CNTN1: variants seen among roughly 807,000 people sequenced by gnomAD.
CNTN1 encodes the protein contactin-1.
CNTN1 carries 38 observed loss-of-function variants against 126.4 expected under a neutral mutation model. The observed-to-expected ratio is 0.30, with a 90% CI of 0.23 to 0.39. CNTN1 has a LOEUF of 0.39. Among genes scored for constraint, CNTN1 ranks in the 10% least tolerant of loss-of-function variants. The probability of loss-of-function intolerance (pLI) is 1.00; values close to 1 mark genes in which losing one functional copy is unlikely to be tolerated. For synonymous variants in CNTN1, 413 were observed against 422.6 expected (o/e 0.98, Z 0.28); for missense variants, 1,009 against 1,248.4 (o/e 0.81, Z 2.89).
intron 9 of CNTN1, 46 bp downstream of exon 9, chr12:40,933,924 T>C: frequency 4.1e-6 from 6 of 1,451,536 alleles, no homozygotes; most frequent in South Asian, 2.3e-5. Context: ...CAGTATCTTA[T>C]TTAGAGCCAT....
At chr12:40,703,917 G>C (rs1466572495) in intron 1 of CNTN1, among the ~76,000 whole-genome samples, 1 of 152,128 alleles carries the variant, frequency 6.6e-6, no homozygotes, top group African/African-American at 2.4e-5. Context: ...TCTAAACTAA[G>C]TGTGTAAAAT....
intron 1 of CNTN1, among the ~76,000 whole-genome samples, chr12:40,722,675 T>C (rs1287829215): frequency 1.3e-5 from 2 of 152,170 alleles, no homozygotes; most frequent in Non-Finnish European, 2.9e-5. Flanking sequence ...AGTATGGATT[T>C]TGTGGTACAG....
At chr12:41,003,226 T>C (rs1311232546) in intron 17 of CNTN1, among the ~76,000 whole-genome samples, 2 of 152,242 alleles carry the variant, frequency 1.3e-5, no homozygotes, top group Admixed American at 6.5e-5. Flanking sequence ...TTTAATTCTG[T>C]TTATGTGATG....
chr12:40,861,441 T>C (rs1256188493), intron 1 of CNTN1, among the ~76,000 whole-genome samples: 4 of 152,090 alleles, frequency 2.6e-5, no homozygotes, highest in Non-Finnish European at 5.9e-5. Flanking sequence ...ATTTTTAAAG[T>C]TTTTTAATGG....
At chr12:40,846,130 T>C (rs1318853738) in intron 1 of CNTN1, among the ~76,000 whole-genome samples, 1 of 151,924 alleles carries the variant, frequency 6.6e-6, no homozygotes, top group Admixed American at 6.5e-5. Flanking sequence ...AGATAATTGA[T>C]ACAAAAAGGA....
chr12:41,000,412 A>G (rs1025180138), intron 17 of CNTN1, among the ~76,000 whole-genome samples: 4 of 152,190 alleles, frequency 2.6e-5, no homozygotes, highest in Non-Finnish European at 5.9e-5. Flanking sequence ...TAACTTCAGA[A>G]TATGAGTTAT....
At chr12:40,825,728 C>A (rs1032050987) in intron 1 of CNTN1, among the ~76,000 whole-genome samples, 5 of 152,106 alleles carry the variant, frequency 3.3e-5, no homozygotes, top group African/African-American at 1.2e-4. Context: ...TGCATCTTTT[C>A]TTTGATTTCC....
chr12:40,750,523 C>T (rs1162249245), intron 1 of CNTN1, among the ~76,000 whole-genome samples: 3 of 152,014 alleles, frequency 2.0e-5, no homozygotes, highest in Non-Finnish European at 4.4e-5. Context: ...TGGGTATTAG[C>T]TGTGCATGGT....
intron 14 of CNTN1, among the ~76,000 whole-genome samples, chr12:40,945,460 T>C (rs1183727022): frequency 6.6e-6 from 1 of 152,074 alleles, no homozygotes; most frequent in East Asian, 1.9e-4. Context: ...TCTTTGGTGT[T>C]ATAAATTGAA....
intron 7 of CNTN1, among the ~76,000 whole-genome samples, chr12:40,931,523 T>C (rs1945883187): frequency 6.6e-6 from 1 of 152,008 alleles, no homozygotes; most frequent in Non-Finnish European, 1.5e-5. Context: ...TCCTATATCC[T>C]GGACTTGTCC....
At chr12:40,771,757 G>A (rs1466149887) in intron 1 of CNTN1, among the ~76,000 whole-genome samples, 1 of 151,696 alleles carries the variant, frequency 6.6e-6, no homozygotes, top group African/African-American at 2.4e-5. Context: ...TTTATGAGGT[G>A]TCCAAAAAAT....
intron 1 of CNTN1, among the ~76,000 whole-genome samples, chr12:40,709,971 T>C (rs1941870298): frequency 6.6e-6 from 1 of 152,212 alleles, no homozygotes. Flanking sequence ...ATTTTTCCTT[T>C]ATATTCACAA....
chr12:40,814,124 A>G (rs1941181335), intron 1 of CNTN1, among the ~76,000 whole-genome samples: 1 of 152,050 alleles, frequency 6.6e-6, no homozygotes, highest in Non-Finnish European at 1.5e-5. Context: ...AGATTGCAAA[A>G]ATTTTCTCCC....
chr12:40,759,572 C>A (rs1361222394), intron 1 of CNTN1, among the ~76,000 whole-genome samples: 1 of 151,522 alleles, frequency 6.6e-6, no homozygotes, highest in African/African-American at 2.4e-5. Flanking sequence ...CTCAAGTGAT[C>A]CTCCCACCTG....
intron 1 of CNTN1, among the ~76,000 whole-genome samples, chr12:40,703,025 A>ATT (rs143273017): frequency 0.11 from 16,745 of 151,944 alleles, 999 homozygotes; most frequent in Non-Finnish European, 0.13. Flanking sequence ...GTATATATAT[A>ATT]TTTTTTACAG....
chr12:40,861,327 G>A lies in CNTN1; in HGVS notation c.-76-47030G>A, dbSNP rs117152228. On this transcript the variant is annotated intron_variant, in intron 1 of 23. Coordinates refer to ENST00000551295, the MANE Select transcript of CNTN1 (RefSeq NM_001843.4). ...AATGCTCCTAGCACTAATCCTTAGG[G>A]AACTCTGATTAAAAGTTTTCTATTT... 9.8e-3 allele frequency among the ~76,000 whole-genome samples: 1,482 copies of A among 151,886 alleles called. 9 individuals are homozygous for A. The highest frequency in any genetic ancestry group is 0.014 in the Non-Finnish European group (977 of 67,952).
intron 1 of CNTN1, among the ~76,000 whole-genome samples, chr12:40,824,408 C>T (rs569514279): frequency 6.6e-6 from 1 of 152,134 alleles, no homozygotes; most frequent in East Asian, 1.9e-4. Flanking sequence ...TTCTAAAGTC[C>T]TTACTGTATC....
chr12:40,936,644 A>G (rs1946089734), intron 9 of CNTN1, 137 bp from the exon 10 acceptor site: 4 of 1,028,242 alleles, frequency 3.9e-6, no homozygotes, highest in Non-Finnish European at 5.9e-6. Context: ...GACAAGGCCT[A>G]TTACTGAGTT....
intron 1 of CNTN1, among the ~76,000 whole-genome samples, chr12:40,755,819 C>A (rs188503785): frequency 6.6e-6 from 1 of 151,898 alleles, no homozygotes; most frequent in African/African-American, 2.4e-5. Context: ...GTCTTGTAGA[C>A]CCTTATTATT....
Sources: allele counts gnomAD v4.1 joint callset (sites outside exome capture counted in the v4.1 genomes callset), GRCh38; gene constraint gnomAD v4.1.1; transcripts MANE v1.5; gene names NCBI Gene and HGNC (gene_info 2026-07-23, HGNC 2026-07-21).